RASAL2: variants seen among roughly 807,000 people sequenced by gnomAD.
RASAL2 encodes the protein RAS protein activator like 2.
A neutral mutation model predicts 128.9 loss-of-function variants in RASAL2; 58 were observed. That is an observed-to-expected ratio of 0.45 (90% CI 0.36 to 0.56). RASAL2 has a LOEUF of 0.56. RASAL2 is among the 20% of genes least tolerant of loss of function. The pLI is 0.00. For synonymous variants in RASAL2, 561 were observed against 580.8 expected (o/e 0.97, Z 0.49); for missense variants, 1,360 against 1,601.6 (o/e 0.85, Z 2.57).
At chr1:178,418,404 T>C (rs1372770590) in intron 4 of RASAL2, among the ~76,000 whole-genome samples, 1 of 152,206 alleles carries the variant, frequency 6.6e-6, no homozygotes, top group Non-Finnish European at 1.5e-5. Flanking sequence ...TTCATCCTCA[T>C]CATCTTCACA....
rs543134273 is a variant in RASAL2 at position 178,154,231 on chromosome 1, T to G, written c.202+59537T>G. Among the ~76,000 whole-genome samples the G allele has an allele frequency of 5.6e-4, 85 of 152,040 alleles. 1 individual carries two copies. Among genetic ancestry groups the G allele is most frequent in the African/African-American group, 2.0e-3 (84 of 41,478 alleles). ...GCACCATCATGGCTCACTGCAGCCT[T>G]GAACTCCTGGGCTCCAGCAATCCTC... On this transcript the variant is annotated intron_variant, in intron 1 of 17. Coordinates refer to ENST00000367649, the MANE Select transcript of RASAL2 (RefSeq NM_170692.4).
chr1:178,249,680 C>G (rs1212161697), intron 1 of RASAL2, among the ~76,000 whole-genome samples: 6 of 152,110 alleles, frequency 3.9e-5, no homozygotes, highest in African/African-American at 1.4e-4. Context: ...GTGGATTTAT[C>G]TACCTTTGAT....
intron 1 of RASAL2, among the ~76,000 whole-genome samples, chr1:178,142,256 G>A (rs1366518150): frequency 6.6e-6 from 1 of 152,150 alleles, no homozygotes. Flanking sequence ...AACTGCGGTT[G>A]GGGTAGATAA....
At chr1:178,282,991 C>G (rs1231812601) in intron 1 of RASAL2, among the ~76,000 whole-genome samples, 1 of 152,172 alleles carries the variant, frequency 6.6e-6, no homozygotes, top group Non-Finnish European at 1.5e-5. Flanking sequence ...TAAGAAACAT[C>G]ATGGTAATAT....
chr1:178,397,351 T>A (rs1673303253), intron 4 of RASAL2, among the ~76,000 whole-genome samples: 1 of 152,186 alleles, frequency 6.6e-6, no homozygotes, highest in Admixed American at 6.5e-5. Flanking sequence ...GAAAATATTA[T>A]GCTAAGTGAA....
intron 1 of RASAL2, among the ~76,000 whole-genome samples, chr1:178,242,455 CT>C: frequency 7.9e-6 from 1 of 126,490 alleles, no homozygotes; most frequent in African/African-American, 3.1e-5. Flanking sequence ...CTCTCTCTCT[CT>C]CTCTCTCTCT....
chr1:178,390,758 A>T (rs907372615), intron 4 of RASAL2, among the ~76,000 whole-genome samples: 1 of 152,194 alleles, frequency 6.6e-6, no homozygotes, highest in Admixed American at 6.6e-5. Context: ...AAAATATGTA[A>T]CTACATTAAG....
chr1:178,186,726 G>T (rs12026482), intron 1 of RASAL2, among the ~76,000 whole-genome samples: 1 of 151,880 alleles, frequency 6.6e-6, no homozygotes, highest in East Asian at 1.9e-4. Flanking sequence ...GGTTTTCTTG[G>T]TTTTATCCTG....
intron 1 of RASAL2, among the ~76,000 whole-genome samples, chr1:178,137,502 G>A (rs182620400): frequency 4.6e-5 from 7 of 152,254 alleles, no homozygotes; most frequent in African/African-American, 1.7e-4. Flanking sequence ...AGATTTTCTG[G>A]AACATTTCTA....
At chr1:178,096,568 C>G (rs1658695425) in intron 1 of RASAL2, among the ~76,000 whole-genome samples, 1 of 151,190 alleles carries the variant, frequency 6.6e-6, no homozygotes, top group South Asian at 2.1e-4. Flanking sequence ...GTTTATTGTT[C>G]AAGAGTGACC....
rs75613964 is a variant in RASAL2, at chr1:178,448,440, G to A, written c.1627+2778G>A. Among the ~76,000 whole-genome samples the A allele has an allele frequency of 3.6e-3, 552 of 152,274 alleles. 7 individuals carry two copies. Among genetic ancestry groups the A allele is most frequent in the African/African-American group, 0.013 (529 of 41,562 alleles). On this transcript the variant is annotated intron_variant, in intron 9 of 17. Transcript: ENST00000367649. ...GTTTACATGAAGCAGACACATTATAGTAGCTACTACAATTAGTTTCTGCTC... is the reference window on the plus strand; with the variant it reads ...GTTTACATGAAGCAGACACATTATAATAGCTACTACAATTAGTTTCTGCTC...
chr1:178,306,892 A>C (rs1668017736), intron 3 of RASAL2, among the ~76,000 whole-genome samples: 1 of 149,566 alleles, frequency 6.7e-6, no homozygotes, highest in Non-Finnish European at 1.5e-5. Context: ...GAGGGATAGC[A>C]TTGGGAGATA....
chr1:178,338,345 G>C (rs1022845027), intron 3 of RASAL2, among the ~76,000 whole-genome samples: 6 of 150,762 alleles, frequency 4.0e-5, no homozygotes, highest in African/African-American at 1.5e-4. Context: ...GGTCAGGCTA[G>C]TCTCGAACTC....
chr1:178,145,980 G>A (rs1293789447), intron 1 of RASAL2, among the ~76,000 whole-genome samples: 1 of 152,202 alleles, frequency 6.6e-6, no homozygotes, highest in African/African-American at 2.4e-5. Flanking sequence ...TCAAATTGGG[G>A]ATCCATTATT....
chr1:178,314,225 T>A (rs1266522516), intron 3 of RASAL2, among the ~76,000 whole-genome samples: 1 of 152,222 alleles, frequency 6.6e-6, no homozygotes, highest in Non-Finnish European at 1.5e-5. Context: ...GTGGAGTTTT[T>A]ATACCTAGGT....
At chr1:178,470,619 C>A in intron 17 of RASAL2, 4 of 1,203,938 alleles carry the variant, frequency 3.3e-6, no homozygotes, top group Non-Finnish European at 3.4e-6. Flanking sequence ...CAGAGAAGGG[C>A]TTCCTCCTAT....
At chr1:178,112,733 C>A (rs1659375872) in intron 1 of RASAL2, among the ~76,000 whole-genome samples, 1 of 122,286 alleles carries the variant, frequency 8.2e-6, no homozygotes, top group African/African-American at 3.2e-5. Flanking sequence ...AGGGGAACAT[C>A]ACACTCTGGG....
rs187621705 is a variant in RASAL2 at position 178,477,864 on chromosome 1, G to A, written c.*4625G>A. 2 of 152,248 alleles carry A rather than the reference G, an allele frequency of 1.3e-5. No homozygotes were observed. Among genetic ancestry groups the A allele is most frequent in the Admixed American group, 1.3e-4 (2 of 15,294 alleles). 9.4% of individuals were successfully genotyped at this position (152,248 alleles called of 1,614,324 possible). On this transcript the variant is annotated 3_prime_UTR_variant, in exon 18 of 18. Coordinates refer to ENST00000367649, the MANE Select transcript of RASAL2 (RefSeq NM_170692.4). Reference sequence around the variant, plus strand: ...AGCAACTTGAAATTGACTTGGTTTGGCATTGTCTCAAGAACCCTAGATATC... The same window carrying A: ...AGCAACTTGAAATTGACTTGGTTTGACATTGTCTCAAGAACCCTAGATATC...
At chr1:178,333,810 A>C (rs1004419901) in intron 3 of RASAL2, among the ~76,000 whole-genome samples, 1 of 152,236 alleles carries the variant, frequency 6.6e-6, no homozygotes, top group Non-Finnish European at 1.5e-5. Context: ...TACTCACTGA[A>C]ACAAACTTCT....
Sources: allele counts gnomAD v4.1 joint callset (sites outside exome capture counted in the v4.1 genomes callset), GRCh38; gene constraint gnomAD v4.1.1; transcripts MANE v1.5; gene names NCBI Gene and HGNC (gene_info 2026-07-23, HGNC 2026-07-21).